The following TCF3 variants were observed in gnomAD, a reference collection of about 807,000 sequenced individuals.
TCF3 encodes transcription factor E2-alpha.
A neutral mutation model predicts 72.3 loss-of-function variants in TCF3; 54 were observed. The ratio of observed to expected loss-of-function variants is 0.75; its 90% CI spans 0.60 to 0.94. The LOEUF is 0.94. Ranked by LOEUF, TCF3 falls within the 40% of genes least tolerant of loss-of-function variation. The pLI is 0.00. For missense variants in TCF3, 1,078 were observed against 934.4 expected, an observed-to-expected ratio of 1.15 and a Z score of -2.00; for synonymous variants, 525 against 412.6, an observed-to-expected ratio of 1.27 and a Z score of -3.30.
chr19:1,620,502 G>A (rs927593035), intron 13 of TCF3, among the ~76,000 whole-genome samples: 1 of 152,214 alleles, frequency 6.6e-6, no homozygotes, highest in African/African-American at 2.4e-5. Flanking sequence ...ACATTCTAGA[G>A]TCCAGGCCAC....
intron 11 of TCF3, among the ~76,000 whole-genome samples, chr19:1,621,471 C>CTGGA: frequency 6.6e-6 from 1 of 151,768 alleles, no homozygotes; most frequent in African/African-American, 2.4e-5. Context: ...CTCTCTGGGC[C>CTGGA]TGGGTAACTG....
rs535113552 is a variant in TCF3 at position 1,619,800 on chromosome 19, C to A, written c.1147G>T (p.Asp383Tyr). ...CTCACCAGGCCGTGGAGACCCCCGT[C>A]GTAGCTGGGCGATAAGGCACCGGGG... Reference protein sequence around the residue: ...GAPGALSPSYDGGLHGLQSKI... With the variant: ...GAPGALSPSYYGGLHGLQSKI... Residue 383 changes from aspartate (D) to tyrosine (Y), a missense_variant, in exon 14 of 19, where the codon GAC (aspartate) becomes TAC (tyrosine). Transcript: ENST00000262965. The A allele has an allele frequency of 3.2e-6, 5 of 1,562,968 alleles. No individual in the cohort carries two copies. The highest frequency in any genetic ancestry group is 4.3e-6 in the Non-Finnish European group (5 of 1,154,618).
rs1352916074 is a variant in TCF3, at chr19:1,614,351, G to C, written c.1822+934C>G. Among the ~76,000 whole-genome samples the C allele has an allele frequency of 6.6e-6, 1 of 152,194 alleles. No individual in the cohort carries two copies. Among genetic ancestry groups the C allele is most frequent in the East Asian group, 1.9e-4 (1 of 5,178 alleles). On this transcript the variant is annotated intron_variant, in intron 18 of 18. Coordinates refer to ENST00000262965, the MANE Select transcript of TCF3 (RefSeq NM_003200.5). The surrounding 1 kb of genome is among the most constrained non-coding windows in gnomAD (Gnocchi z 5.6). ...GTTTCTTCCCGCAAGCCCTGACGGGGGGCTTTGGGGGAGGAAACGCCCTGA... is the reference window on the plus strand; with the variant it reads ...GTTTCTTCCCGCAAGCCCTGACGGGCGGCTTTGGGGGAGGAAACGCCCTGA...
intron 2 of TCF3, among the ~76,000 whole-genome samples, chr19:1,648,359 G>C (rs1342815669): frequency 6.6e-6 from 1 of 152,176 alleles, no homozygotes; most frequent in Non-Finnish European, 1.5e-5. Context: ...CCCGAGGGGG[G>C]ACGCCCGGAG....
rs1311327935 is a variant in TCF3 at position 1,646,396 on chromosome 19, C to T, written c.104G>A (p.Gly35Asp). 7 of 1,550,186 alleles carry T rather than the reference C, an allele frequency of 4.5e-6. No homozygotes were observed. In the East Asian group the frequency reaches 1.7e-4, roughly 38 times the overall value. The change falls in exon 3 of 19, where the codon GGC (glycine) becomes GAC (aspartate). Residue 35 changes from glycine (G) to aspartate (D), a missense_variant. Physicochemically the swap from Gly to Asp is moderately conservative, Grantham distance 94. Coordinates refer to ENST00000262965, the MANE Select transcript of TCF3 (RefSeq NM_003200.5). ...CGCCCCGGCCAGGGAGGCGGGCCGGCCCTTCCCGTTGGTGACAGGCAGCGG... is the reference window on the plus strand; with the variant it reads ...CGCCCCGGCCAGGGAGGCGGGCCGGTCCTTCCCGTTGGTGACAGGCAGCGG... ...MFPLPVTNGK[G>D]RPASLAGAQF... is the part of the protein sequence containing the mutation.
intron 5 of TCF3, 159 bp downstream of exon 5, chr19:1,631,879 C>T (rs1407648943): frequency 6.6e-7 from 1 of 1,513,104 alleles, no homozygotes; most frequent in Non-Finnish European, 8.8e-7. Flanking sequence ...CCCTGCACCT[C>T]CCCGCAGCTG....
intron 16 of TCF3, among the ~76,000 whole-genome samples, chr19:1,616,282 G>A (rs2061539110): frequency 6.6e-6 from 1 of 151,974 alleles, no homozygotes; most frequent in Admixed American, 6.6e-5. Flanking sequence ...AGACCATCCT[G>A]GCTAACATGG....
At position 1,610,282 on chromosome 19, in the gene TCF3, C is replaced by T. The variant is rs2060891677; in HGVS notation, c.*1425G>A. The T allele has an allele frequency of 2.6e-5, 6 of 232,150 alleles. No individual in the cohort carries two copies. The highest frequency in any genetic ancestry group is 5.6e-5 in the Admixed American group (1 of 17,744). The allele number at this position is 232,150 out of a possible 1,614,324, so 14.4% of individuals were successfully genotyped here. A position where few individuals can be genotyped will look rare whatever the true frequency, so the allele number is the denominator to read the frequency against. On this transcript the variant is annotated 3_prime_UTR_variant, in exon 19 of 19. Coordinates refer to ENST00000262965, the MANE Select transcript of TCF3 (RefSeq NM_003200.5). ...GCACAGTCCCCCGGCTCCAGCCACTCTTGCCCTTGGACCACACAGAGGGAG... is the reference window on the plus strand; with the variant it reads ...GCACAGTCCCCCGGCTCCAGCCACTTTTGCCCTTGGACCACACAGAGGGAG...
chr19:1,643,204 A>C (rs886531902), intron 3 of TCF3, among the ~76,000 whole-genome samples: 1 of 152,104 alleles, frequency 6.6e-6, no homozygotes, highest in African/African-American at 2.4e-5. Context: ...CCTATTCGTT[A>C]ATCTCTAATG....
intron 5 of TCF3, among the ~76,000 whole-genome samples, chr19:1,630,910 C>T (rs1235027246): frequency 2.6e-5 from 4 of 152,222 alleles, no homozygotes; most frequent in Admixed American, 6.5e-5. Context: ...CTGTGTCACC[C>T]GCAGGAGGGA....
At chr19:1,642,141 C>G (rs1369299882) in intron 3 of TCF3, among the ~76,000 whole-genome samples, 3 of 149,634 alleles carry the variant, frequency 2.0e-5, no homozygotes, top group Non-Finnish European at 3.0e-5. Flanking sequence ...CACACACACA[C>G]ACACACACAC....
At chr19:1,649,138 C>T (rs548479558) in intron 2 of TCF3, among the ~76,000 whole-genome samples, 103 of 152,380 alleles carry the variant, frequency 6.8e-4, no homozygotes, top group African/African-American at 2.4e-3. Context: ...CCGCCCTCCC[C>T]ACCGGGCCTG....
chr19:1,640,736 G>A (rs1328621243), intron 3 of TCF3, among the ~76,000 whole-genome samples: 5 of 152,046 alleles, frequency 3.3e-5, no homozygotes, highest in East Asian at 1.9e-4. Flanking sequence ...CCTGGGAGGC[G>A]GAGCTTGCAG....
chr19:1,613,161 G>A lies in TCF3; in HGVS notation c.1823-1312C>T, dbSNP rs559928676. On this transcript the variant is annotated intron_variant, in intron 18 of 18. Coordinates refer to ENST00000262965, the MANE Select transcript of TCF3 (RefSeq NM_003200.5). ...AGTACGGGTCCACATGCTGATGTGT[G>A]TGTTGTCACATGCGTGAAAATGTGC... Among the ~76,000 whole-genome samples, 8 of 152,296 alleles carry A rather than the reference G, an allele frequency of 5.3e-5. No individual in the cohort carries two copies. In the South Asian group the frequency reaches 1.7e-3, roughly 32 times the overall value.
intron 8 of TCF3, 139 bp downstream of exon 8, chr19:1,623,812 A>G: frequency 1.2e-6 from 1 of 834,070 alleles, no homozygotes; most frequent in Admixed American, 2.7e-5. Context: ...GTCAGAGCTC[A>G]GATCTTGGCT....
chr19:1,648,606 G>A (rs1308087051), intron 2 of TCF3, among the ~76,000 whole-genome samples: 2 of 152,174 alleles, frequency 1.3e-5, no homozygotes, highest in African/African-American at 2.4e-5. Context: ...AATAAAACGG[G>A]GCTTAAAAAT....
In TCF3 at chr19:1,619,257, G is replaced by A. The variant is rs753576996; in HGVS notation, c.1327-23C>T. 8.2e-6 allele frequency: 13 copies of A among 1,579,856 alleles called. No homozygotes were observed. In the South Asian group the frequency reaches 1.4e-4, roughly 17 times the overall value. On this transcript the variant is annotated intron_variant, in intron 15 of 18. Transcript: ENST00000262965. Reference sequence around the variant, plus strand: ...AACCTGCAGGCGTGGGGAGACGGGTGCATCAGGGGGAGCCGGGTCCCCGCC... The same window carrying A: ...AACCTGCAGGCGTGGGGAGACGGGTACATCAGGGGGAGCCGGGTCCCCGCC...
rs567165713 is a variant in TCF3 at position 1,611,374 on chromosome 19, A to G, written c.*333T>C. ...CTTGCTTTCAGGTTTTGTTTACTGG[A>G]AAAAAAAAAAATGCTCCTGTCAGCC... is the stretch of plus-strand genomic sequence containing the variant. On this transcript the variant is annotated 3_prime_UTR_variant, in exon 19 of 19. Coordinates refer to ENST00000262965, the MANE Select transcript of TCF3 (RefSeq NM_003200.5). The G allele has an allele frequency of 5.9e-4, 86 of 146,368 alleles. No individual in the cohort carries two copies. The highest frequency in any genetic ancestry group is 2.9e-3 in the African/African-American group (81 of 28,082). 9.1% of individuals were successfully genotyped at this position (146,368 alleles called of 1,614,324 possible). A position where few individuals can be genotyped will look rare whatever the true frequency, so the allele number is the denominator to read the frequency against.
intron 1 of TCF3, among the ~76,000 whole-genome samples, chr19:1,651,597 T>C (rs935694695): frequency 1.3e-5 from 2 of 152,014 alleles, no homozygotes; most frequent in Non-Finnish European, 2.9e-5. Context: ...TTGAGAGACT[T>C]GGAGAATGTT....
Sources: allele counts gnomAD v4.1 joint callset (sites outside exome capture counted in the v4.1 genomes callset), GRCh38; gene constraint gnomAD v4.1.1; non-coding constraint Gnocchi (gnomAD v3.1); transcripts MANE v1.5; gene names NCBI Gene and HGNC (gene_info 2026-07-23, HGNC 2026-07-21).